Variants in BCKDHB observed in about 807,000 individuals in gnomAD.
The protein encoded by BCKDHB is 2-oxoisovalerate dehydrogenase subunit beta, mitochondrial.
Under a neutral mutation model 48.5 loss-of-function variants are expected in BCKDHB, and 41 were observed. The observed-to-expected ratio is 0.85, with a 90% CI of 0.66 to 1.10. The LOEUF (loss-of-function observed/expected upper bound fraction) is 1.10. Among genes scored for constraint, BCKDHB ranks in the 50% least tolerant of loss-of-function variants. The probability of loss-of-function intolerance (pLI) is 0.00; values close to 1 mark genes in which losing one functional copy is unlikely to be tolerated. For synonymous variants in BCKDHB, 201 were observed against 174.8 expected (o/e 1.15, Z -1.18); for missense variants, 496 against 494.2 (o/e 1.00, Z -0.03).
chr6:80,140,241 A>G (rs1428753502), intron 3 of BCKDHB, among the ~76,000 whole-genome samples: 9 of 152,330 alleles, frequency 5.9e-5, no homozygotes, highest in Non-Finnish European at 1.3e-4. Flanking sequence ...CAATCATGTA[A>G]TCTGCAAACA....
the BCKDHB span, among the ~76,000 whole-genome samples, chr6:80,455,358 A>G: frequency 6.6e-6 from 1 of 151,780 alleles, no homozygotes; most frequent in African/African-American, 2.4e-5. Flanking sequence ...CCTCATTACC[A>G]TTTCCTGTTG....
At chr6:80,211,637 C>T (rs1390239724) in intron 8 of BCKDHB, among the ~76,000 whole-genome samples, 1 of 152,188 alleles carries the variant, frequency 6.6e-6, no homozygotes, top group Non-Finnish European at 1.5e-5. Context: ...CGCTTTCCAC[C>T]TCCTACCACC....
At chr6:80,307,783 AG>A in intron 9 of BCKDHB, 1 of 985,002 alleles carries the variant, frequency 1.0e-6, no homozygotes, top group African/African-American at 1.7e-5. Context: ...TTCATAATGG[AG>A]TATAAAATTT....
At chr6:80,277,641 G>A (rs998420821) in intron 9 of BCKDHB, among the ~76,000 whole-genome samples, 1 of 149,026 alleles carries the variant, frequency 6.7e-6, no homozygotes, top group Non-Finnish European at 1.5e-5. Context: ...TAGGGATGTG[G>A]TTGGCTTAAG....
At chr6:80,231,423 G>A (rs1775919769) in intron 8 of BCKDHB, among the ~76,000 whole-genome samples, 2 of 152,138 alleles carry the variant, frequency 1.3e-5, no homozygotes, top group Non-Finnish European at 1.5e-5. Flanking sequence ...ATGGTATTCT[G>A]TGAAAAATAT....
intron 1 of BCKDHB, among the ~76,000 whole-genome samples, chr6:80,108,058 G>C (rs1769217665): frequency 6.6e-6 from 1 of 152,038 alleles, no homozygotes; most frequent in Non-Finnish European, 1.5e-5. Context: ...TTAAGGGTTA[G>C]GACAACCTTA....
Position 80,315,839 on chromosome 6 carries a change from A to G in BCKDHB, c.1039-27825A>G, listed in dbSNP as rs910814089. ...AGTAGTTCACTGGCATGGTGTAAGG[A>G]GTGAATTATGGAAAATATGTAAAGC... On this transcript the variant is annotated intron_variant, in intron 9 of 9. Transcript: ENST00000320393. Among the ~76,000 whole-genome samples, 4 of 152,086 alleles carry G rather than the reference A, an allele frequency of 2.6e-5. No homozygotes were observed. In the South Asian group the frequency reaches 6.2e-4, roughly 24 times the overall value.
At chr6:80,422,775 G>A in the BCKDHB span, among the ~76,000 whole-genome samples, 3 of 152,160 alleles carry the variant, frequency 2.0e-5, no homozygotes, top group Non-Finnish European at 2.9e-5. Context: ...TTTGGAATGG[G>A]AACATTTACC....
intron 8 of BCKDHB, among the ~76,000 whole-genome samples, chr6:80,266,317 A>G (rs886636490): frequency 6.6e-6 from 1 of 152,152 alleles, no homozygotes; most frequent in Non-Finnish European, 1.5e-5. Flanking sequence ...AGCTACTTCA[A>G]TCTTTGAAAT....
At chr6:80,230,670 T>C (rs1194330753) in intron 8 of BCKDHB, among the ~76,000 whole-genome samples, 1 of 152,172 alleles carries the variant, frequency 6.6e-6, no homozygotes, top group African/African-American at 2.4e-5. Context: ...AAGCATGAGA[T>C]TTATTTCTTA....
At chr6:80,120,704 G>T (rs1769962205) in intron 1 of BCKDHB, among the ~76,000 whole-genome samples, 1 of 152,010 alleles carries the variant, frequency 6.6e-6, no homozygotes, top group African/African-American at 2.4e-5. Context: ...CTTTTTGATG[G>T]GTTTGTTTGT....
Position 80,323,109 on chromosome 6 carries a change from C to CTCAT in BCKDHB, c.1039-20554_1039-20551dup, listed in dbSNP as rs767047102. On this transcript the variant is annotated intron_variant, in intron 9 of 9. Transcript: ENST00000320393. ...ACTTACCTTTCTGAACCTCAGTTTC[C>CTCAT]TCATCTCTGAAGGGGATGATGAAGG... Among the ~76,000 whole-genome samples, 103 of 152,180 alleles carry CTCAT rather than the reference C, an allele frequency of 6.8e-4. 1 individual carries two copies. The highest frequency in any genetic ancestry group is 1.5e-3 in the Admixed American group (23 of 15,294).
chr6:80,158,407 A>G (rs1772155524), intron 3 of BCKDHB, among the ~76,000 whole-genome samples: 2 of 152,204 alleles, frequency 1.3e-5, no homozygotes, highest in African/African-American at 4.8e-5. Context: ...AGCTATTTCT[A>G]AACAATGCTT....
At chr6:80,260,796 C>T (rs905221138) in intron 8 of BCKDHB, among the ~76,000 whole-genome samples, 5 of 151,928 alleles carry the variant, frequency 3.3e-5, no homozygotes, top group Non-Finnish European at 7.4e-5. Context: ...TTGGGAAGGC[C>T]GGAATGGAAG....
At chr6:80,341,809 C>T (rs925938345) in intron 9 of BCKDHB, among the ~76,000 whole-genome samples, 1 of 152,016 alleles carries the variant, frequency 6.6e-6, no homozygotes, top group African/African-American at 2.4e-5. Flanking sequence ...GAAAAACAGC[C>T]CAGTGTCAGC....
At chr6:80,281,743 C>T (rs1453558306) in intron 9 of BCKDHB, among the ~76,000 whole-genome samples, 1 of 152,134 alleles carries the variant, frequency 6.6e-6, no homozygotes, top group Non-Finnish European at 1.5e-5. Context: ...CTCCTCCCTG[C>T]CCCTCTCCCT....
chr6:80,218,870 C>A (rs1280204827), intron 8 of BCKDHB, among the ~76,000 whole-genome samples: 1 of 152,108 alleles, frequency 6.6e-6, no homozygotes, highest in East Asian at 1.9e-4. Flanking sequence ...AGTTGAAAAG[C>A]AGTACACACT....
intron 3 of BCKDHB, among the ~76,000 whole-genome samples, chr6:80,144,924 T>G (rs991270134): frequency 2.6e-5 from 4 of 152,154 alleles, no homozygotes; most frequent in Non-Finnish European, 5.9e-5. Flanking sequence ...CTGCTGTTGT[T>G]TTTTCCATCC....
chr6:80,151,427 T>G (rs536506246), intron 3 of BCKDHB, among the ~76,000 whole-genome samples: 9 of 149,378 alleles, frequency 6.0e-5, no homozygotes, highest in South Asian at 4.6e-4. Context: ...AACTTTTTTT[T>G]TTTTTGTTTT....
Sources: allele counts gnomAD v4.1 joint callset (sites outside exome capture counted in the v4.1 genomes callset), GRCh38; gene constraint gnomAD v4.1.1; transcripts MANE v1.5; gene names NCBI Gene and HGNC (gene_info 2026-07-23, HGNC 2026-07-21).